NRG1: variants seen among roughly 807,000 people sequenced by gnomAD.
The protein encoded by NRG1 is pro-neuregulin-1, membrane-bound isoform.
In NRG1, 18 loss-of-function variants were observed where a neutral mutation model predicts 63.8. That is an observed-to-expected ratio of 0.28 (90% CI 0.19 to 0.42). The LOEUF (loss-of-function observed/expected upper bound fraction) is 0.42. Ranked by LOEUF, NRG1 falls within the 10% of genes least tolerant of loss-of-function variation. The pLI, the probability that NRG1 is intolerant of heterozygous loss-of-function variation, is 1.00. For missense variants in NRG1, 762 were observed against 814.7 expected (o/e 0.94, Z 0.79); for synonymous variants, 302 against 301.3 (o/e 1.00, Z -0.02).
chr8:31,647,713 A>G (rs1414785015), intron 1 of NRG1, among the ~76,000 whole-genome samples: 3 of 152,204 alleles, frequency 2.0e-5, no homozygotes, highest in Non-Finnish European at 2.9e-5. Context: ...TAACCTAGGC[A>G]TGCTGCTGCT....
intron 1 of NRG1, among the ~76,000 whole-genome samples, chr8:32,360,408 G>T (rs1341870054): frequency 2.0e-5 from 3 of 152,054 alleles, no homozygotes; most frequent in Non-Finnish European, 4.4e-5. Flanking sequence ...CTATAGAAAA[G>T]ATTTTACAAA....
intron 1 of NRG1, among the ~76,000 whole-genome samples, chr8:31,917,922 A>C (rs4333546): frequency 6.6e-6 from 1 of 151,908 alleles, no homozygotes; most frequent in Non-Finnish European, 1.5e-5. Context: ...GGTCCTTCAC[A>C]TCCCTTGTAA....
chr8:32,220,557 A>G (rs1484135360), intron 1 of NRG1, among the ~76,000 whole-genome samples: 1 of 152,186 alleles, frequency 6.6e-6, no homozygotes, highest in Non-Finnish European at 1.5e-5. Flanking sequence ...CCAGAAATCA[A>G]AGAACTTGGG....
intron 1 of NRG1, among the ~76,000 whole-genome samples, chr8:31,922,724 A>G (rs1834018132): frequency 6.6e-6 from 1 of 152,206 alleles, no homozygotes; most frequent in African/African-American, 2.4e-5. Flanking sequence ...GCCATTGATT[A>G]TCTAGAAGAT....
At chr8:31,993,565 C>T (rs776799680) in intron 1 of NRG1, among the ~76,000 whole-genome samples, 5 of 152,106 alleles carry the variant, frequency 3.3e-5, no homozygotes, top group East Asian at 1.9e-4. Context: ...CTCTTCCCCA[C>T]CACTGTGTAA....
intron 1 of NRG1, among the ~76,000 whole-genome samples, chr8:32,520,467 G>A (rs562241253): frequency 9.2e-5 from 14 of 152,030 alleles, no homozygotes; most frequent in Non-Finnish European, 1.2e-4. Context: ...CCTAGCCCAG[G>A]TTCTTTACCT....
chr8:31,705,211 T>C (rs1811030946), intron 1 of NRG1, among the ~76,000 whole-genome samples: 1 of 151,992 alleles, frequency 6.6e-6, no homozygotes, highest in Non-Finnish European at 1.5e-5. Flanking sequence ...TAGTTTTTTA[T>C]TTTTATTTTT....
At position 32,700,819 on chromosome 8, in the gene NRG1, G is replaced by T. The variant is rs552340590; in HGVS notation, c.503-27130G>T. On this transcript the variant is annotated intron_variant, in intron 5 of 11. Coordinates refer to ENST00000356819, the Ensembl canonical transcript of NRG1. ...AAGTGCCAGATTAATGCATATTCTT[G>T]CCCTGATTCCTTTTCATCCCCTTTC... 1.1e-4 allele frequency among the ~76,000 whole-genome samples: 17 copies of T among 152,206 alleles called. No individual in the cohort carries two copies. The South Asian group carries it at 3.5e-3, about 32-fold the overall frequency.
At chr8:32,402,174 A>T (rs977576919) in intron 1 of NRG1, among the ~76,000 whole-genome samples, 4 of 152,180 alleles carry the variant, frequency 2.6e-5, no homozygotes, top group Admixed American at 2.0e-4. Flanking sequence ...CGGCCTCCCG[A>T]AGTGCTGGGA....
chr8:32,692,656 T>G (rs1812081328), intron 5 of NRG1, among the ~76,000 whole-genome samples: 1 of 152,174 alleles, frequency 6.6e-6, no homozygotes, highest in South Asian at 2.1e-4. Flanking sequence ...CGGGCCCAAA[T>G]GAGCTTTCTC....
chr8:32,069,235 C>T (rs1316700201), intron 1 of NRG1, among the ~76,000 whole-genome samples: 1 of 151,914 alleles, frequency 6.6e-6, no homozygotes, highest in Non-Finnish European at 1.5e-5. Context: ...TACAGCAAGA[C>T]AAAGAGTAGT....
intron 1 of NRG1, among the ~76,000 whole-genome samples, chr8:32,303,663 GT>G (rs1239672993): frequency 2.6e-5 from 4 of 152,142 alleles, no homozygotes; most frequent in Non-Finnish European, 1.5e-5. Flanking sequence ...TAATGGTTTC[GT>G]TTTCTCATCC....
chr8:32,035,689 C>A (rs191759466), intron 1 of NRG1, among the ~76,000 whole-genome samples: 9 of 152,108 alleles, frequency 5.9e-5, no homozygotes, highest in Admixed American at 3.3e-4. Flanking sequence ...TTATGTAATG[C>A]CTGCCCTTAT....
intron 1 of NRG1, among the ~76,000 whole-genome samples, chr8:32,229,919 T>G (rs892142822): frequency 1.3e-5 from 2 of 152,112 alleles, no homozygotes; most frequent in Middle Eastern, 3.2e-3. Flanking sequence ...TAGAAATAGC[T>G]GTCCTGCCCC....
rs911025698 is a variant in NRG1, at chr8:31,742,455, A to T, written c.37+103024A>T. On this transcript the variant is annotated intron_variant, in intron 1 of 10. Transcript: ENST00000519301. ...GCAACGACAGACAACTTTTTTAAGA[A>T]TTTTTTTTTTTTTTTTTTTTTTTTT... 4.7e-3 allele frequency among the ~76,000 whole-genome samples: 376 copies of T among 80,030 alleles called. 6 individuals carry two copies. The highest frequency in any genetic ancestry group is 0.018 in the African/African-American group (358 of 20,424). The allele number at this position is 80,030 out of a possible 152,430, so 52.5% of individuals were successfully genotyped here. A position where few individuals can be genotyped will look rare whatever the true frequency, so the allele number is the denominator to read the frequency against.
intron 1 of NRG1, among the ~76,000 whole-genome samples, chr8:32,200,935 C>T (rs376095637): frequency 1.3e-3 from 197 of 152,164 alleles, no homozygotes; most frequent in Admixed American, 6.6e-3. Flanking sequence ...CAGAGAGGGA[C>T]CAGGTAGTCT....
chr8:31,651,309 T>A (rs879595224), intron 1 of NRG1, among the ~76,000 whole-genome samples: 9 of 152,254 alleles, frequency 5.9e-5, no homozygotes, highest in Admixed American at 3.9e-4. Flanking sequence ...TTTGAAATGA[T>A]AAAGTATGAT....
chr8:32,393,784 T>C (rs369144025), intron 1 of NRG1, among the ~76,000 whole-genome samples: 1 of 152,136 alleles, frequency 6.6e-6, no homozygotes, highest in South Asian at 2.1e-4. Context: ...TGTTGGGTAC[T>C]AGGCTTAGTA....
At chr8:32,005,360 T>C (rs945078194) in intron 1 of NRG1, among the ~76,000 whole-genome samples, 1 of 151,984 alleles carries the variant, frequency 6.6e-6, no homozygotes, top group Non-Finnish European at 1.5e-5. Context: ...AATTCCCTGG[T>C]CTATTTTGTG....
Sources: allele counts gnomAD v4.1 joint callset (sites outside exome capture counted in the v4.1 genomes callset), GRCh38; gene constraint gnomAD v4.1.1; transcripts MANE v1.5; gene names NCBI Gene and HGNC (gene_info 2026-07-23, HGNC 2026-07-21).